Variants in ATXN7L1 observed in about 807,000 individuals in gnomAD.
The protein encoded by ATXN7L1 is ataxin-7-like protein 1.
A neutral mutation model predicts 70.8 loss-of-function variants in ATXN7L1; 15 were observed. That is an observed-to-expected ratio of 0.21 (90% CI 0.14 to 0.33). ATXN7L1 has a LOEUF of 0.33. Among genes scored for constraint, ATXN7L1 ranks in the 10% least tolerant of loss-of-function variants. ATXN7L1 has a pLI of 1.00. For synonymous variants in ATXN7L1, 440 were observed against 445.1 expected (o/e 0.99, Z 0.14); for missense variants, 975 against 1,097.1 (o/e 0.89, Z 1.57).
chr7:105,760,383 T>A, intron 3 of ATXN7L1: 1 of 954,940 alleles, frequency 1.0e-6, no homozygotes, highest in African/African-American at 1.8e-5. Context: ...TCTGAGAGGA[T>A]CTGCAATTTA....
chr7:105,743,857 T>G (rs896574742), intron 3 of ATXN7L1, among the ~76,000 whole-genome samples: 2 of 152,228 alleles, frequency 1.3e-5, no homozygotes, highest in Non-Finnish European at 2.9e-5. Context: ...AAAATTATGC[T>G]CTAGATGACA....
Position 105,806,379 on chromosome 7 carries a change from G to GT in ATXN7L1, c.251-17672dup, listed in dbSNP as rs557372423. ...CACTCACCATGCGGGCACCCTGATC[G>GT]TGGGTGTCAGCCTCCAAAATTGTGA... is the stretch of plus-strand genomic sequence containing the variant. On this transcript the variant is annotated intron_variant, in intron 2 of 11. Coordinates refer to ENST00000419735, the MANE Select transcript of ATXN7L1 (RefSeq NM_020725.2). 8.5e-5 allele frequency among the ~76,000 whole-genome samples: 13 copies of GT among 152,264 alleles called. No homozygotes were observed. In the South Asian group the frequency reaches 2.1e-3, roughly 24 times the overall value.
intron 2 of ATXN7L1, among the ~76,000 whole-genome samples, chr7:105,833,321 C>T (rs2116592468): frequency 6.6e-6 from 1 of 152,304 alleles, no homozygotes; most frequent in South Asian, 2.1e-4. Flanking sequence ...CTTGCCCCTA[C>T]TAGATCGTAG....
At chr7:105,729,440 T>G (rs1796278250) in intron 3 of ATXN7L1, among the ~76,000 whole-genome samples, 1 of 151,164 alleles carries the variant, frequency 6.6e-6, no homozygotes, top group African/African-American at 2.4e-5. Flanking sequence ...CTTTTTTTTT[T>G]TTTTTTTGAG....
At chr7:105,758,889 G>A (rs1800146949) in intron 3 of ATXN7L1, among the ~76,000 whole-genome samples, 1 of 152,160 alleles carries the variant, frequency 6.6e-6, no homozygotes, top group Non-Finnish European at 1.5e-5. Flanking sequence ...CCCTTGATTT[G>A]GGAGGTACGG....
At chr7:105,869,739 G>A (rs1330168016) in intron 2 of ATXN7L1, among the ~76,000 whole-genome samples, 2 of 151,960 alleles carry the variant, frequency 1.3e-5, no homozygotes, top group African/African-American at 4.8e-5. Context: ...TTAAAACACA[G>A]GCAAGTTTTC....
intron 3 of ATXN7L1, among the ~76,000 whole-genome samples, chr7:105,786,288 C>T (rs1804288173): frequency 6.6e-6 from 1 of 152,198 alleles, no homozygotes; most frequent in Non-Finnish European, 1.5e-5. Flanking sequence ...CATGGGCTGT[C>T]CCCTAAGCTG....
intron 2 of ATXN7L1, among the ~76,000 whole-genome samples, chr7:105,852,254 T>G (rs1306099064): frequency 6.6e-6 from 1 of 152,100 alleles, no homozygotes; most frequent in Non-Finnish European, 1.5e-5. Flanking sequence ...CAGATGGAGA[T>G]CACCAGGACT....
intron 7 of ATXN7L1, among the ~76,000 whole-genome samples, chr7:105,627,728 C>T (rs1795923972): frequency 1.3e-5 from 2 of 151,604 alleles, no homozygotes; most frequent in Admixed American, 6.6e-5. Context: ...GACGGGGTTT[C>T]ACCATGTTGG....
At chr7:105,739,023 A>T (rs1324014383) in intron 3 of ATXN7L1, among the ~76,000 whole-genome samples, 1 of 152,206 alleles carries the variant, frequency 6.6e-6, no homozygotes, top group Admixed American at 6.5e-5. Flanking sequence ...CTGACTTTTA[A>T]TAAATGATAC....
intron 3 of ATXN7L1, among the ~76,000 whole-genome samples, chr7:105,756,982 GA>G (rs1444638270): frequency 1.3e-5 from 2 of 151,974 alleles, no homozygotes; most frequent in Non-Finnish European, 2.9e-5. Flanking sequence ...TGCAGAGGGG[GA>G]AAAAAGCTCC....
chr7:105,781,960 C>T (rs539415358), intron 3 of ATXN7L1, among the ~76,000 whole-genome samples: 1 of 152,288 alleles, frequency 6.6e-6, no homozygotes, highest in East Asian at 1.9e-4. Context: ...CCATGTCAGC[C>T]TCCCAAGTAG....
At chr7:105,793,073 C>CCCGGAGAT (rs1172224045) in intron 2 of ATXN7L1, among the ~76,000 whole-genome samples, 1 of 152,242 alleles carries the variant, frequency 6.6e-6, no homozygotes, top group African/African-American at 2.4e-5. Context: ...GATACTCTGA[C>CCCGGAGAT]TCTAAAGCCA....
rs71155469 is a variant in ATXN7L1, at chr7:105,671,104, C to CAAAAAAAAAAAAAA, written c.356-5830_356-5817dup. Among the ~76,000 whole-genome samples, 24 of 89,694 alleles carry CAAAAAAAAAAAAAA rather than the reference C, an allele frequency of 2.7e-4. No individual in the cohort carries two copies. The East Asian group carries it at 4.2e-3, about 16-fold the overall frequency. The allele number at this position is 89,694 out of a possible 152,430, so 58.8% of individuals were successfully genotyped here. A position where few individuals can be genotyped will look rare whatever the true frequency, so the allele number is the denominator to read the frequency against. On this transcript the variant is annotated intron_variant, in intron 3 of 11. Transcript: ENST00000419735. ...CCTGGGCGACAGCGAGACTACGTCTCAAAAAAAAAAAAAAAAAAAAAAAAA... is the reference window on the plus strand; with the variant it reads ...CCTGGGCGACAGCGAGACTACGTCTCAAAAAAAAAAAAAAAAAAAAAAAAAAAAAAAAAAAAAAA...
At chr7:105,792,157 TC>T (rs1299876798) in intron 2 of ATXN7L1, among the ~76,000 whole-genome samples, 6 of 152,126 alleles carry the variant, frequency 3.9e-5, no homozygotes, top group African/African-American at 1.4e-4. Flanking sequence ...AAGGTTCGGC[TC>T]CTTAGAGACT....
At chr7:105,854,066 C>G (rs1007560754) in intron 2 of ATXN7L1, among the ~76,000 whole-genome samples, 11 of 152,184 alleles carry the variant, frequency 7.2e-5, no homozygotes, top group African/African-American at 2.7e-4. Flanking sequence ...CCCTCCACCC[C>G]CAGAGCCCAT....
chr7:105,761,961 A>C (rs1800617660), intron 3 of ATXN7L1, among the ~76,000 whole-genome samples: 1 of 152,186 alleles, frequency 6.6e-6, no homozygotes, highest in South Asian at 2.1e-4. Flanking sequence ...ATGATAGGGG[A>C]GATAAGAACA....
intron 2 of ATXN7L1, among the ~76,000 whole-genome samples, chr7:105,848,053 C>T (rs973358511): frequency 6.6e-6 from 1 of 151,896 alleles, no homozygotes; most frequent in African/African-American, 2.4e-5. Context: ...TCTTAGAAAA[C>T]AATGGGAAAA....
At position 105,724,883 on chromosome 7, in the gene ATXN7L1, G is replaced by A. The variant is rs530179232; in HGVS notation, c.356-59595C>T. On this transcript the variant is annotated intron_variant, in intron 3 of 11. Coordinates refer to ENST00000419735, the MANE Select transcript of ATXN7L1 (RefSeq NM_020725.2). The stretch of plus-strand genomic sequence containing the variant: ...GCTCTGTCGCCCAGGCTGGAGTGCA[G>A]TGATGCAATCATAGCTCACTGCAGC... 2.6e-5 allele frequency among the ~76,000 whole-genome samples: 4 copies of A among 151,662 alleles called. No homozygotes were observed. The South Asian group carries it at 6.3e-4, about 24-fold the overall frequency.
Sources: allele counts gnomAD v4.1 joint callset (sites outside exome capture counted in the v4.1 genomes callset), GRCh38; gene constraint gnomAD v4.1.1; transcripts MANE v1.5; gene names NCBI Gene and HGNC (gene_info 2026-07-23, HGNC 2026-07-21).